Variants in LAMB4 observed in about 807,000 individuals in gnomAD.
LAMB4 encodes the protein laminin subunit beta-4.
A neutral mutation model predicts 199.2 loss-of-function variants in LAMB4; 196 were observed. That is an observed-to-expected ratio of 0.98 (90% confidence interval 0.88 to 1.11). The LOEUF is 1.11. Among genes scored for constraint, LAMB4 ranks in the 50% least tolerant of loss-of-function variants. The pLI, the probability that LAMB4 is intolerant of heterozygous loss-of-function variation, is 0.00. For missense variants in LAMB4, 2,080 were observed against 2,171.2 expected, an observed-to-expected ratio of 0.96 and a Z score of 0.83; for synonymous variants, 744 against 770.6, an observed-to-expected ratio of 0.97 and a Z score of 0.57.
Position 108,063,763 on chromosome 7 carries a change from C to G in LAMB4, c.3059G>C (p.Arg1020Thr). Reference protein sequence around the residue: ...HYGSALNQTCRRCSCHASGVS... With the variant: ...HYGSALNQTCTRCSCHASGVS... ...CCCTGGGAGTTTTGCAGACTTACTT[C>G]TGCAGGTCTGATTGAGGGCTGATCC... Residue 1020 changes from arginine (R) to threonine (T), a missense_variant and splice_region_variant, in exon 22 of 34, where the codon AGA becomes ACA. Physicochemically the swap from Arg to Thr is moderately conservative, Grantham distance 71 (BLOSUM62 -1). Transcript: ENST00000388781. 1 of 1,613,290 alleles carries G rather than the reference C, an allele frequency of 6.2e-7. No homozygotes were observed. Among genetic ancestry groups the G allele is most frequent in the Non-Finnish European group, 8.5e-7 (1 of 1,179,228 alleles).
chr7:108,062,825 A>G lies in LAMB4; in HGVS notation c.3231T>C (p.Cys1077=). The G allele has an allele frequency of 6.5e-7, 1 of 1,548,476 alleles. No individual in the cohort carries two copies. Among genetic ancestry groups the G allele is most frequent in the Non-Finnish European group, 8.7e-7 (1 of 1,148,906 alleles). ...TCCTAGGGTCACAGTCACATGACTG[A>G]CATCCTCTGCCAGGGACCAGATTCC... ...GYWNLVPGRG[C]QSCDCDPRTS... Residue 1077 remains cysteine, a synonymous_variant, in exon 23 of 34, where the codon TGT becomes TGC. Transcript: ENST00000388781.
intron 28 of LAMB4, among the ~76,000 whole-genome samples, chr7:108,044,640 G>A (rs1364131026): frequency 6.6e-6 from 1 of 152,136 alleles, no homozygotes; most frequent in East Asian, 1.9e-4. Flanking sequence ...GGCTAGTTAG[G>A]ATCAAACATA....
chr7:108,109,720 C>G (rs1473879307), intron 4 of LAMB4, among the ~76,000 whole-genome samples: 1 of 152,080 alleles, frequency 6.6e-6, no homozygotes, highest in African/African-American at 2.4e-5. Flanking sequence ...GAGTATTCCC[C>G]TTGGAGTGGG....
At chr7:108,109,078 T>G (rs2038126399) in intron 5 of LAMB4, 93 bp downstream of exon 5, 2 of 923,646 alleles carry the variant, frequency 2.2e-6, no homozygotes, top group Non-Finnish European at 3.5e-6. Flanking sequence ...CTGTTTTTGT[T>G]CACTGCAAGG....
chr7:108,086,514 TA>T (rs997911322), intron 14 of LAMB4, among the ~76,000 whole-genome samples: 2 of 152,174 alleles, frequency 1.3e-5, no homozygotes, highest in African/African-American at 2.4e-5. Flanking sequence ...TCTCTTGTAC[TA>T]AACTGACCCA....
At chr7:108,092,237 C>T in intron 13 of LAMB4, 100 bp downstream of exon 13, 2 of 831,506 alleles carry the variant, frequency 2.4e-6, no homozygotes, top group Non-Finnish European at 4.0e-6. Flanking sequence ...CATTGCTTGT[C>T]ATGGAATGAA....
chr7:108,092,267 G>T, intron 13 of LAMB4, 70 bp downstream of exon 13: 1 of 1,175,340 alleles, frequency 8.5e-7, no homozygotes, highest in South Asian at 1.3e-5. Flanking sequence ...CTATGACTAT[G>T]AGCGTATCAG....
chr7:108,109,188 G>C lies in LAMB4; in HGVS notation c.385C>G (p.Leu129Val). 6.2e-7 allele frequency: 1 copy of C among 1,612,706 alleles called. No homozygotes were observed. Among genetic ancestry groups the C allele is most frequent in the Non-Finnish European group, 8.5e-7 (1 of 1,178,854 alleles). ...DLEALFRFSH[L>V]ILTFKTFRPA... The stretch of plus-strand genomic sequence containing the variant: ...GTCTGTACCTTAAAGGTCAGGATAA[G>C]GTGGCTGAACCGAAATAATGCCTCT... Residue 129 changes from leucine (L) to valine (V), a missense_variant, in exon 5 of 34, where the codon CTT becomes GTT. Transcript: ENST00000388781.
chr7:108,116,720 T>C (rs1310964528), intron 2 of LAMB4, among the ~76,000 whole-genome samples: 1 of 152,226 alleles, frequency 6.6e-6, no homozygotes, highest in Non-Finnish European at 1.5e-5. Flanking sequence ...TTTGTTTAAG[T>C]GTCTTCCAGT....
rs1272870391 is a variant in LAMB4 at position 108,092,550 on chromosome 7, C to T, written c.1471-134G>A. 5.7e-6 allele frequency: 4 copies of T among 695,826 alleles called. No individual in the cohort carries two copies. The African/African-American group carries it at 7.1e-5, about 12-fold the overall frequency. The allele number at this position is 695,826 out of a possible 1,614,324, so 43.1% of individuals were successfully genotyped here. On this transcript the variant is annotated intron_variant, in intron 12 of 33. Transcript: ENST00000388781. ...GCCTGCACCATCTCAGAGAAACCTT[C>T]CTGGCCTATGCGCTTGGCTAATGAT... is the stretch of plus-strand genomic sequence containing the variant.
intron 25 of LAMB4, among the ~76,000 whole-genome samples, chr7:108,054,108 G>C (rs1004676830): frequency 6.6e-6 from 1 of 152,128 alleles, no homozygotes; most frequent in East Asian, 1.9e-4. Flanking sequence ...CTGCAGCCTT[G>C]AACTCCTGAG....
chr7:108,063,875 A>T lies in LAMB4; in HGVS notation c.2947T>A (p.Ser983Thr). Residue 983 changes from serine (S) to threonine (T), a missense_variant, in exon 22 of 34, where the codon TCC becomes ACC. Coordinates refer to ENST00000388781, the MANE Select transcript of LAMB4 (RefSeq NM_007356.3). The part of the protein sequence containing the change: ...NNNIDVTDPE[S>T]CSRVTGECLR... ...CACTCCCCTGTTACCCGGCTGCAGG[A>T]CTCTGGATCGGTTACATCTATGTTG... The T allele has an allele frequency of 1.2e-6, 2 of 1,614,134 alleles. No homozygotes were observed. Among genetic ancestry groups the T allele is most frequent in the Non-Finnish European group, 1.7e-6 (2 of 1,180,024 alleles).
rs2037555571 is a variant in LAMB4 at position 108,095,323 on chromosome 7, G to C, written c.1375C>G (p.Pro459Ala). The part of the protein sequence containing the change: ...PLGCQPCDCN[P>A]LGSLPFLTCD... Reference sequence around the variant, plus strand: ...GTCAAGAATGGCAGACTCCCAAGGGGGTTACAGTCGCAGGCTGAAAGCACA... The same window carrying C: ...GTCAAGAATGGCAGACTCCCAAGGGCGTTACAGTCGCAGGCTGAAAGCACA... Residue 459 changes from proline (P) to alanine (A), a missense_variant, in exon 12 of 34, where the codon CCC becomes GCC. By Grantham distance (27) the Pro-to-Ala change is conservative (BLOSUM62 -1). Transcript: ENST00000388781. 6.2e-7 allele frequency: 1 copy of C among 1,613,164 alleles called. No homozygotes were observed. Among genetic ancestry groups the C allele is most frequent in the Non-Finnish European group, 8.5e-7 (1 of 1,179,346 alleles).
Position 108,023,715 on chromosome 7 carries a change from A to T in LAMB4, c.*324T>A, listed in dbSNP as rs1267496853. The T allele has an allele frequency of 5.7e-6, 1 of 175,040 alleles. No individual in the cohort carries two copies. The highest frequency in any genetic ancestry group is 1.5e-4 in the East Asian group (1 of 6,506). 10.8% of individuals were successfully genotyped at this position (175,040 alleles called of 1,614,324 possible). The stretch of plus-strand genomic sequence containing the variant: ...TGTTTAGGTTTATCTGACTGAAATG[A>T]TTATTAGTTAGTAGAGTACTTACTT... On this transcript the variant is annotated 3_prime_UTR_variant, in exon 34 of 34. Transcript: ENST00000388781.
intron 14 of LAMB4, among the ~76,000 whole-genome samples, chr7:108,091,258 C>T (rs1276938378): frequency 6.6e-6 from 1 of 152,148 alleles, no homozygotes; most frequent in Non-Finnish European, 1.5e-5. Flanking sequence ...TATACACATC[C>T]ACCTCACCCT....
intron 11 of LAMB4, among the ~76,000 whole-genome samples, chr7:108,098,186 A>C (rs2037686883): frequency 6.6e-6 from 1 of 152,152 alleles, no homozygotes; most frequent in South Asian, 2.1e-4. Context: ...TACAAAAATT[A>C]TCTGGGCGTG....
At chr7:108,034,142 T>G in intron 31 of LAMB4, 66 bp downstream of exon 31, 1 of 1,487,840 alleles carries the variant, frequency 6.7e-7, no homozygotes, top group Non-Finnish European at 9.4e-7. Flanking sequence ...TTGGCATACA[T>G]AAAAAGCACT....
intron 33 of LAMB4, among the ~76,000 whole-genome samples, chr7:108,025,393 CT>C (rs779525723): frequency 1.4e-5 from 1 of 71,998 alleles, no homozygotes; most frequent in Non-Finnish European, 2.9e-5. Flanking sequence ...CTTTTCTTTT[CT>C]TTCTTTCTTT....
At chr7:108,092,530 C>A in intron 12 of LAMB4, 114 bp from the exon 13 acceptor site, 2 of 779,384 alleles carry the variant, frequency 2.6e-6, no homozygotes, top group South Asian at 1.5e-5. Flanking sequence ...AAACAGCCTG[C>A]ACCATCTCAG....
Sources: allele counts gnomAD v4.1 joint callset (sites outside exome capture counted in the v4.1 genomes callset), GRCh38; gene constraint gnomAD v4.1.1; transcripts MANE v1.5; gene names NCBI Gene and HGNC (gene_info 2026-07-23, HGNC 2026-07-21).